DNAJB14: variants seen among roughly 807,000 people sequenced by gnomAD.
DNAJB14 encodes the protein dnaJ homolog subfamily B member 14.
Under a neutral mutation model 48.4 loss-of-function variants are expected in DNAJB14, and 22 were observed. That is an observed-to-expected ratio of 0.45 (90% confidence interval 0.32 to 0.65). The LOEUF is 0.65. Among genes scored for constraint, DNAJB14 ranks in the 30% least tolerant of loss-of-function variants. The probability of loss-of-function intolerance (pLI) is 0.03; values close to 1 mark genes in which losing one functional copy is unlikely to be tolerated. For missense variants in DNAJB14, 319 were observed against 458.8 expected (o/e 0.70, Z 2.78); for synonymous variants, 142 against 158.7 (o/e 0.89, Z 0.79).
intron 1 of DNAJB14, among the ~76,000 whole-genome samples, chr4:99,932,820 T>A (rs960194917): frequency 3.9e-5 from 6 of 152,282 alleles, no homozygotes; most frequent in South Asian, 4.1e-4. Context: ...AGTACTGATA[T>A]GTGCTACAAC....
At chr4:99,937,995 C>A (rs1311801108) in intron 1 of DNAJB14, among the ~76,000 whole-genome samples, 1 of 146,618 alleles carries the variant, frequency 6.8e-6, no homozygotes, top group South Asian at 2.2e-4. Flanking sequence ...CGGTGGCTCA[C>A]GCCTGTAATC....
intron 3 of DNAJB14, among the ~76,000 whole-genome samples, chr4:99,909,521 AAT>A (rs1168955618): frequency 1.3e-5 from 2 of 152,024 alleles, no homozygotes; most frequent in African/African-American, 4.8e-5. Context: ...TTTTCATGGC[AAT>A]ATCCCCAAGG....
chr4:99,912,410 C>G (rs1222006872), intron 3 of DNAJB14, among the ~76,000 whole-genome samples: 1 of 151,818 alleles, frequency 6.6e-6, no homozygotes, highest in African/African-American at 2.4e-5. Flanking sequence ...TTGTTTCTAT[C>G]TACAAAACAA....
In DNAJB14 at chr4:99,906,531, C is replaced by T. The variant is rs1560731687; in HGVS notation, c.718G>A (p.Glu240Lys). Residue 240 changes from glutamate to lysine, a missense_variant, in exon 5 of 8, where the codon GAG becomes AAG. Glu to Lys is a moderately conservative substitution (Grantham distance 56). Around this residue, in one of 3 missense-constraint regions of DNAJB14, gnomAD observed 166 missense variants for 236.3 expected, o/e 0.70. Coordinates refer to ENST00000442697, the MANE Select transcript of DNAJB14 (RefSeq NM_001031723.4). ...QHRHSGHEREEERGDGGFSVF... is the reference protein window; with the variant it reads ...QHRHSGHEREKERGDGGFSVF... ...CATAAACGTACATCTCCTCTTTCCT[C>T]TTCTCTTTCATGTCCACTATGTCGA... 3.7e-6 allele frequency: 6 copies of T among 1,611,242 alleles called. No homozygotes were observed. Among genetic ancestry groups the T allele is most frequent in the African/African-American group, 1.3e-5 (1 of 74,820 alleles).
chr4:99,934,412 G>C (rs1726592700), intron 1 of DNAJB14, among the ~76,000 whole-genome samples: 1 of 152,012 alleles, frequency 6.6e-6, no homozygotes, highest in South Asian at 2.1e-4. Context: ...TAACAAAACA[G>C]ATGAACACTT....
chr4:99,903,593 G>A (rs997508259), intron 7 of DNAJB14, 133 bp downstream of exon 7: 2 of 894,012 alleles, frequency 2.2e-6, no homozygotes, highest in Non-Finnish European at 3.3e-6. Flanking sequence ...TAAAACACAT[G>A]ATCTCATTTA....
At chr4:99,946,171 C>T (rs1727060408) in intron 1 of DNAJB14, among the ~76,000 whole-genome samples, 1 of 152,224 alleles carries the variant, frequency 6.6e-6, no homozygotes. Context: ...AGAATGAAAC[C>T]CGGACATTTA....
Position 99,900,991 on chromosome 4 carries a change from A to G in DNAJB14, c.*37T>C. 2.5e-6 allele frequency: 4 copies of G among 1,575,756 alleles called. No individual in the cohort carries two copies. The highest frequency in any genetic ancestry group is 4.7e-4 in the Middle Eastern group (2 of 4,236). ...AACCAAACTTACTTACAGAAAAAAT[A>G]AAGAGTACGCTAAAAGGTATAAATA... On this transcript the variant is annotated 3_prime_UTR_variant, in exon 8 of 8. Transcript: ENST00000442697.
intron 5 of DNAJB14, 21 bp downstream of exon 5, chr4:99,906,496 G>T: frequency 6.2e-7 from 1 of 1,604,792 alleles, no homozygotes; most frequent in Non-Finnish European, 8.5e-7. Context: ...GCCATTTTGT[G>T]ATTTCTAGTC....
chr4:99,940,961 TGG>T (rs1178369866), intron 1 of DNAJB14, among the ~76,000 whole-genome samples: 1 of 147,392 alleles, frequency 6.8e-6, no homozygotes, highest in African/African-American at 2.6e-5. Context: ...ATTTTTTTTT[TGG>T]AACACTTGGG....
At chr4:99,928,859 T>G (rs1726355084) in intron 2 of DNAJB14, 1 of 153,606 alleles carries the variant, frequency 6.5e-6, no homozygotes, top group Non-Finnish European at 1.4e-5. Flanking sequence ...GGATGTGGTT[T>G]CCAGAAACGT....
chr4:99,921,047 A>G (rs1425426891), intron 3 of DNAJB14, among the ~76,000 whole-genome samples: 1 of 152,158 alleles, frequency 6.6e-6, no homozygotes, highest in East Asian at 1.9e-4. Flanking sequence ...GAAACCTGCC[A>G]TTTCTGTGTG....
intron 2 of DNAJB14, chr4:99,924,659 A>T (rs1726182387): frequency 2.0e-6 from 3 of 1,492,518 alleles, no homozygotes; most frequent in Non-Finnish European, 2.7e-6. Context: ...TAAACAAAAA[A>T]AGAGAATGAT....
chr4:99,899,075 T>A lies in DNAJB14; in HGVS notation c.*1953A>T, dbSNP rs2110188410. ...GAAATATAATACTGTCCAAAAGCCA[T>A]GTATGACTTTATAATATATACTTTA... On this transcript the variant is annotated 3_prime_UTR_variant, in exon 8 of 8. Coordinates refer to ENST00000442697, the MANE Select transcript of DNAJB14 (RefSeq NM_001031723.4). The A allele has an allele frequency of 6.6e-6, 1 of 152,072 alleles. No homozygotes were observed. The highest frequency in any genetic ancestry group is 1.9e-4 in the East Asian group (1 of 5,182). The allele number at this position is 152,072 out of a possible 1,614,324, so 9.4% of individuals were successfully genotyped here.
At chr4:99,946,361 G>A (rs1294713859) in intron 1 of DNAJB14, 78 bp downstream of exon 1, 1 of 1,542,012 alleles carries the variant, frequency 6.5e-7, no homozygotes, top group East Asian at 2.4e-5. Flanking sequence ...CCTCCAGGAG[G>A]GGCCGAGGTG....
intron 5 of DNAJB14, 70 bp from the exon 6 acceptor site, chr4:99,905,776 T>C: frequency 6.6e-7 from 1 of 1,509,046 alleles, no homozygotes; most frequent in South Asian, 1.1e-5. Flanking sequence ...ACAGTTGTCA[T>C]ACATTTTGAG....
Position 99,923,142 on chromosome 4 carries a change from T to A in DNAJB14, c.349A>T (p.Lys117Ter). ...TTCAAATCTTCATCACCAGCATCTT[T>A]CGTAACTCCAAGTACTTCATAGTAA... ...KNYYEVLGVTKDAGDEDLKKA... is the reference protein window; with the variant it reads ...KNYYEVLGVT The change falls in exon 3 of 8, where the codon AAA becomes TAA. Residue 117 changes from lysine to a stop codon, truncating the protein, a stop_gained. Coordinates refer to ENST00000442697, the MANE Select transcript of DNAJB14 (RefSeq NM_001031723.4). LOFTEE classifies it high-confidence loss of function. 6.2e-7 allele frequency: 1 copy of A among 1,612,992 alleles called. No individual in the cohort carries two copies. The highest frequency in any genetic ancestry group is 1.3e-5 in the African/African-American group (1 of 75,012).
chr4:99,896,515 A>T lies in DNAJB14; in HGVS notation c.*4513T>A, dbSNP rs368090547. On this transcript the variant is annotated 3_prime_UTR_variant, in exon 8 of 8. Coordinates refer to ENST00000442697, the MANE Select transcript of DNAJB14 (RefSeq NM_001031723.4). ...ATTTAACTTATACAAGGCTTCCATT[A>T]TAATTCCATCAAACCTTAAAAATTA... 6.6e-6 allele frequency: 1 copy of T among 152,330 alleles called. No individual in the cohort carries two copies. The highest frequency in any genetic ancestry group is 6.5e-5 in the Admixed American group (1 of 15,302). 9.4% of individuals were successfully genotyped at this position (152,330 alleles called of 1,614,324 possible).
chr4:99,922,941 TAAA>T (rs1726114145), intron 3 of DNAJB14, 96 bp downstream of exon 3: 37 of 1,312,178 alleles, frequency 2.8e-5, no homozygotes, highest in Non-Finnish European at 3.5e-5. Context: ...TGCTGGTCTC[TAAA>T]TGCACCAGTC....
Sources: gnomAD v4.1 joint callset for allele counts (sites outside exome capture counted in the v4.1 genomes callset) on GRCh38, gnomAD v4.1.1 for gene constraint, gnomAD v4.1.1 regional missense constraint, MANE v1.5 for transcripts, NCBI Gene and HGNC (gene_info 2026-07-23, HGNC 2026-07-21) for gene names.